CCDC30: variants seen among roughly 807,000 people sequenced by gnomAD.
The protein encoded by CCDC30 is coiled-coil domain-containing protein 30.
CCDC30 carries 70 observed loss-of-function variants against 100.2 expected under a neutral mutation model. That is an observed-to-expected ratio of 0.70 (90% CI 0.58 to 0.85). The LOEUF (loss-of-function observed/expected upper bound fraction) is 0.85. Among genes scored for constraint, CCDC30 ranks in the 40% least tolerant of loss-of-function variants. The probability of loss-of-function intolerance (pLI) is 0.00; values close to 1 mark genes in which losing one functional copy is unlikely to be tolerated. For missense variants in CCDC30, 652 were observed against 771.2 expected (o/e 0.85, Z 1.83); for synonymous variants, 233 against 269.5 (o/e 0.86, Z 1.33).
At chr1:42,484,638 G>C (rs1644020580) in intron 3 of CCDC30, among the ~76,000 whole-genome samples, 1 of 152,120 alleles carries the variant, frequency 6.6e-6, no homozygotes, top group African/African-American at 2.4e-5. Context: ...GTAACTTCCT[G>C]AGTCATCCAC....
upstream of CCDC30, among the ~76,000 whole-genome samples, chr1:42,461,796 C>T (rs185501800): frequency 1.7e-3 from 255 of 152,232 alleles, no homozygotes; most frequent in Non-Finnish European, 2.1e-3. Context: ...CTGCCCGCCC[C>T]GGCCTTCCAA....
intron 6 of CCDC30, among the ~76,000 whole-genome samples, chr1:42,552,525 C>T (rs1207719598): frequency 6.6e-6 from 1 of 151,734 alleles, no homozygotes; most frequent in Non-Finnish European, 1.5e-5. Context: ...AATGAGACAC[C>T]TTCATATATA....
intron 6 of CCDC30, among the ~76,000 whole-genome samples, chr1:42,544,716 A>C (rs1259363710): frequency 2.6e-5 from 4 of 151,998 alleles, no homozygotes; most frequent in Non-Finnish European, 4.4e-5. Flanking sequence ...CATGTTGCCC[A>C]GGCTGGTCTT....
rs368191275 is a variant in CCDC30 at position 42,629,694 on chromosome 1, C to T, written c.1278-7543C>T. ...TCACCCAGGCTGGAGTGCAGTGGCA[C>T]GATCTCGGCTCACTGCAACCTCTGC... On this transcript the variant is annotated intron_variant, in intron 11 of 16. Transcript: ENST00000668663. 4.0e-5 allele frequency among the ~76,000 whole-genome samples: 6 copies of T among 151,782 alleles called. No individual in the cohort carries two copies. The South Asian group carries it at 1.2e-3, about 32-fold the overall frequency.
intron 11 of CCDC30, among the ~76,000 whole-genome samples, chr1:42,635,065 T>G (rs141092264): frequency 7.9e-5 from 12 of 152,198 alleles, no homozygotes; most frequent in Non-Finnish European, 1.2e-4. Flanking sequence ...TTTTGTTTGT[T>G]TGTTTTTTGA....
chr1:42,546,787 A>G (rs1645154161), intron 6 of CCDC30, among the ~76,000 whole-genome samples: 1 of 152,112 alleles, frequency 6.6e-6, no homozygotes, highest in Non-Finnish European at 1.5e-5. Flanking sequence ...AACCAAAAGT[A>G]TCTTTCACAG....
intron 6 of CCDC30, among the ~76,000 whole-genome samples, chr1:42,545,946 AATT>A (rs1009271022): frequency 1.3e-5 from 1 of 79,970 alleles, no homozygotes; most frequent in Non-Finnish European, 2.9e-5. Flanking sequence ...CCTGTTTCAA[AATT>A]AATAATAATA....
At chr1:42,469,925 G>A (rs1037623882) in intron 1 of CCDC30, among the ~76,000 whole-genome samples, 4 of 152,184 alleles carry the variant, frequency 2.6e-5, no homozygotes, top group Non-Finnish European at 4.4e-5. Context: ...ATGACCCAGC[G>A]GTTGAGAAGC....
rs184640323 is a variant in CCDC30, at chr1:42,512,940, G to T, written c.456+14024G>T. 2.6e-5 allele frequency among the ~76,000 whole-genome samples: 4 copies of T among 152,260 alleles called. No homozygotes were observed. In the East Asian group the frequency reaches 7.7e-4, roughly 29 times the overall value. On this transcript the variant is annotated intron_variant, in intron 6 of 16. Transcript: ENST00000668663. Reference sequence around the variant, plus strand: ...CTAACCGTGTTTTTAAATGGTTGATGGGAGCCCAGTATTTTTTATTTAGTT... The same window carrying T: ...CTAACCGTGTTTTTAAATGGTTGATTGGAGCCCAGTATTTTTTATTTAGTT...
At chr1:42,644,877 C>G in intron 14 of CCDC30, 70 bp downstream of exon 18, 1 of 959,532 alleles carries the variant, frequency 1.0e-6, no homozygotes, top group Non-Finnish European at 1.7e-6. Context: ...GCTGTGCTGT[C>G]TCTTGCCTTC....
chr1:42,546,746 T>C (rs1281287462), intron 6 of CCDC30, among the ~76,000 whole-genome samples: 1 of 152,062 alleles, frequency 6.6e-6, no homozygotes, highest in East Asian at 1.9e-4. Flanking sequence ...ATCTTGTTAA[T>C]TTTGCCCTCT....
At chr1:42,475,349 G>A (rs1209850853) in intron 1 of CCDC30, among the ~76,000 whole-genome samples, 3 of 152,198 alleles carry the variant, frequency 2.0e-5, no homozygotes, top group South Asian at 2.1e-4. Context: ...GTAAGAAAAT[G>A]TGTTTTTTTT....
chr1:42,471,268 T>A (rs1003620268), intron 1 of CCDC30, among the ~76,000 whole-genome samples: 1 of 152,150 alleles, frequency 6.6e-6, no homozygotes, highest in South Asian at 2.1e-4. Flanking sequence ...CTTTTCCTTT[T>A]AACATCCTCC....
At chr1:42,605,530 G>T (rs1223597553) in intron 10 of CCDC30, among the ~76,000 whole-genome samples, 1 of 152,148 alleles carries the variant, frequency 6.6e-6, no homozygotes, top group East Asian at 1.9e-4. Context: ...CCAGGCTGGA[G>T]TGCAGTAGTG....
At chr1:42,501,107 A>G (rs1644306148) in intron 6 of CCDC30, among the ~76,000 whole-genome samples, 1 of 152,178 alleles carries the variant, frequency 6.6e-6, no homozygotes, top group African/African-American at 2.4e-5. Flanking sequence ...TATCTACTCT[A>G]AGGTCACAAA....
At chr1:42,644,099 CAGAAT>C (rs1447001805) in intron 13 of CCDC30, among the ~76,000 whole-genome samples, 2 of 151,962 alleles carry the variant, frequency 1.3e-5, no homozygotes, top group Admixed American at 6.6e-5. Context: ...AGGAAAAGAA[CAGAAT>C]AGGAGACATA....
intron 1 of CCDC30, among the ~76,000 whole-genome samples, chr1:42,464,712 G>T (rs184178831): frequency 6.6e-6 from 1 of 152,178 alleles, no homozygotes; most frequent in African/African-American, 2.4e-5. Context: ...CTTACAATAC[G>T]CATTCCTTGT....
intron 10 of CCDC30, among the ~76,000 whole-genome samples, chr1:42,602,410 A>AG (rs1343656556): frequency 6.6e-6 from 1 of 152,144 alleles, no homozygotes; most frequent in East Asian, 1.9e-4. Context: ...ACAAAAAAAA[A>AG]GAGGGAGAGA....
intron 1 of CCDC30, among the ~76,000 whole-genome samples, chr1:42,465,879 T>A (rs1643563552): frequency 6.6e-6 from 1 of 152,204 alleles, no homozygotes; most frequent in African/African-American, 2.4e-5. Context: ...AGAAACTCTG[T>A]CTTAACACAT....
Sources: gnomAD v4.1 joint callset for allele counts (sites outside exome capture counted in the v4.1 genomes callset) on GRCh38, gnomAD v4.1.1 for gene constraint, MANE v1.5 for transcripts, NCBI Gene and HGNC (gene_info 2026-07-23, HGNC 2026-07-21) for gene names.